Variants in FAM185A observed in about 807,000 individuals in gnomAD.
The protein encoded by FAM185A is protein FAM185A.
In FAM185A, 21 loss-of-function variants were observed where a neutral mutation model predicts 45.7. The ratio of observed to expected loss-of-function variants is 0.46; its 90% CI spans 0.33 to 0.66. The LOEUF is 0.66. Among genes scored for constraint, FAM185A ranks in the 30% least tolerant of loss-of-function variants. The pLI, the probability that FAM185A is intolerant of heterozygous loss-of-function variation, is 0.03. For missense variants in FAM185A, 305 were observed against 485.4 expected (o/e 0.63, Z 3.49); for synonymous variants, 117 against 194.0 (o/e 0.60, Z 3.30).
intron 7 of FAM185A, among the ~76,000 whole-genome samples, chr7:102,805,828 G>C (rs966653281): frequency 6.6e-6 from 1 of 152,176 alleles, no homozygotes; most frequent in Non-Finnish European, 1.5e-5. Flanking sequence ...CAGGTTATAG[G>C]TGGATTTAAA....
At chr7:102,825,513 T>A in the FAM185A span, among the ~76,000 whole-genome samples, 1 of 152,214 alleles carries the variant, frequency 6.6e-6, no homozygotes, top group Non-Finnish European at 1.5e-5. Flanking sequence ...TATTACTAAA[T>A]TTTGTTCTTA....
intron 7 of FAM185A, among the ~76,000 whole-genome samples, chr7:102,793,294 C>T (rs984547157): frequency 3.3e-5 from 5 of 152,150 alleles, no homozygotes; most frequent in South Asian, 2.1e-4. Flanking sequence ...TCACTGCAAC[C>T]TCTGCCTCCC....
chr7:102,771,475 G>T (rs1242687376), intron 4 of FAM185A, among the ~76,000 whole-genome samples: 2 of 152,086 alleles, frequency 1.3e-5, no homozygotes, highest in Non-Finnish European at 1.5e-5. Flanking sequence ...TAGACCTTCA[G>T]ATGGATTTTT....
chr7:102,782,538 TCCAG>T (rs1207499376), intron 6 of FAM185A, among the ~76,000 whole-genome samples: 1 of 152,158 alleles, frequency 6.6e-6, no homozygotes, highest in Non-Finnish European at 1.5e-5. Context: ...GAATTTCATA[TCCAG>T]CCAAACTAAG....
In FAM185A at chr7:102,749,646, C is replaced by T. The variant is rs1437617634; in HGVS notation, c.439C>T (p.Pro147Ser). Residue 147 changes from proline to serine, a missense_variant, in exon 1 of 8, where the codon CCC (proline) becomes TCC (serine). By Grantham distance (74) the Pro-to-Ser change is moderately conservative. Transcript: ENST00000413034. ...CCAGGCGTCCGTGGAGGTGAACGCGCCCCTGAAGTTTGGCAAGTGAAGTGA... is the reference window on the plus strand; with the variant it reads ...CCAGGCGTCCGTGGAGGTGAACGCGTCCCTGAAGTTTGGCAAGTGAAGTGA... ...HPQASVEVNA[P>S]LKFGLDIKSS... The T allele has an allele frequency of 4.1e-6, 6 of 1,474,102 alleles. No individual in the cohort carries two copies. In the Admixed American group the frequency reaches 1.6e-4, roughly 39 times the overall value. The allele number at this position is 1,474,102 out of a possible 1,614,324, so 91.3% of individuals were successfully genotyped here.
At chr7:102,765,414 T>C (rs934864715) in intron 4 of FAM185A, among the ~76,000 whole-genome samples, 10 of 152,102 alleles carry the variant, frequency 6.6e-5, no homozygotes, top group African/African-American at 2.4e-4. Flanking sequence ...GTCTTAAGTG[T>C]GTGGCTTCTA....
At chr7:102,794,279 TTA>T (rs1207295520) in intron 7 of FAM185A, among the ~76,000 whole-genome samples, 1 of 152,252 alleles carries the variant, frequency 6.6e-6, no homozygotes, top group East Asian at 1.9e-4. Context: ...AGCCAAATCC[TTA>T]TCCTAAGTGA....
the FAM185A span, among the ~76,000 whole-genome samples, chr7:102,829,470 C>A: frequency 6.6e-6 from 1 of 152,128 alleles, no homozygotes; most frequent in Non-Finnish European, 1.5e-5. Flanking sequence ...TTGTTCAGGG[C>A]TTTGCTTTAA....
chr7:102,758,217 G>C (rs1793879473), intron 3 of FAM185A, among the ~76,000 whole-genome samples: 2 of 152,156 alleles, frequency 1.3e-5, no homozygotes, highest in South Asian at 4.1e-4. Flanking sequence ...GTTCTGAAAA[G>C]ATTTTTATTT....
At chr7:102,832,811 T>TG in the FAM185A span, 1 of 1,612,774 alleles carries the variant, frequency 6.2e-7, no homozygotes, top group South Asian at 1.1e-5. Context: ...TTAAATTGGA[T>TG]GTGTTTGAGC....
intron 6 of FAM185A, among the ~76,000 whole-genome samples, chr7:102,778,485 A>G (rs1171150561): frequency 1.7e-3 from 261 of 151,766 alleles, no homozygotes; most frequent in African/African-American, 6.2e-3. Flanking sequence ...GTTTTGAATA[A>G]GCAGCTGTTA....
chr7:102,819,024 C>T, the FAM185A span, among the ~76,000 whole-genome samples: 1 of 152,138 alleles, frequency 6.6e-6, no homozygotes, highest in African/African-American at 2.4e-5. Flanking sequence ...CATCATTTAG[C>T]TCCCACTTAT....
In FAM185A at chr7:102,801,696, G is replaced by A. The variant is rs548304697; in HGVS notation, c.1067-6594G>A. Among the ~76,000 whole-genome samples the A allele has an allele frequency of 1.1e-4, 16 of 152,196 alleles. 1 individual carries two copies. The highest frequency in any genetic ancestry group is 6.8e-3 in the Middle Eastern group (2 of 294). On this transcript the variant is annotated intron_variant, in intron 7 of 7. Coordinates refer to ENST00000413034, the MANE Select transcript of FAM185A (RefSeq NM_001145268.2). ...TCCCAGCACTTTGGGAGGCTGAGGC[G>A]GGTAGACTGCCTGAGGTCAAGAGTT... is the stretch of plus-strand genomic sequence containing the variant.
chr7:102,820,116 T>G, the FAM185A span, among the ~76,000 whole-genome samples: 1 of 152,210 alleles, frequency 6.6e-6, no homozygotes, highest in East Asian at 1.9e-4. Flanking sequence ...AGGACTGTCT[T>G]TCTCCATTGC....
intron 7 of FAM185A, among the ~76,000 whole-genome samples, chr7:102,790,548 C>G (rs1191714927): frequency 6.6e-6 from 1 of 152,128 alleles, no homozygotes; most frequent in East Asian, 1.9e-4. Flanking sequence ...CATAGCATAA[C>G]CAAAATTATT....
intron 6 of FAM185A, among the ~76,000 whole-genome samples, chr7:102,786,744 G>C (rs1474711240): frequency 6.6e-6 from 1 of 151,858 alleles, no homozygotes; most frequent in Non-Finnish European, 1.5e-5. Context: ...CAAGTTAATG[G>C]GTGCAGCACA....
chr7:102,806,357 G>C (rs1490823843), intron 7 of FAM185A, among the ~76,000 whole-genome samples: 3 of 152,104 alleles, frequency 2.0e-5, no homozygotes, highest in South Asian at 2.1e-4. Flanking sequence ...GCTAATTTTT[G>C]TATTTTTAGT....
chr7:102,784,080 C>A (rs920105979), intron 6 of FAM185A, among the ~76,000 whole-genome samples: 17 of 152,204 alleles, frequency 1.1e-4, no homozygotes, highest in Non-Finnish European at 2.1e-4. Context: ...ACTAGAAAAT[C>A]TAGAAGAAAT....
chr7:102,820,892 T>C, the FAM185A span, among the ~76,000 whole-genome samples: 12 of 152,230 alleles, frequency 7.9e-5, no homozygotes, highest in Non-Finnish European at 1.0e-4. Flanking sequence ...TTTCAACACA[T>C]GAACTTGGGG....
Sources: gnomAD v4.1 joint callset for allele counts (sites outside exome capture counted in the v4.1 genomes callset) on GRCh38, gnomAD v4.1.1 for gene constraint, MANE v1.5 for transcripts, NCBI Gene and HGNC (gene_info 2026-07-23, HGNC 2026-07-21) for gene names.